RCL1: variants seen among roughly 807,000 people sequenced by gnomAD.
The protein encoded by RCL1 is RNA terminal phosphate cyclase like 1, also known as RNA 3'-terminal phosphate cyclase-like protein.
RCL1 carries 24 observed loss-of-function variants against 42.4 expected under a neutral mutation model. The observed-to-expected ratio is 0.57, with a 90% CI of 0.41 to 0.80. The LOEUF is 0.80. Among genes scored for constraint, RCL1 ranks in the 30% least tolerant of loss-of-function variants. RCL1 has a pLI of 0.00. For missense variants in RCL1, 578 were observed against 467.9 expected (o/e 1.24, Z -2.17); for synonymous variants, 228 against 177.3 (o/e 1.29, Z -2.27).
chr9:4,828,234 T>C (rs117843929), intron 3 of RCL1, among the ~76,000 whole-genome samples: 1,613 of 152,004 alleles, frequency 0.011, 15 homozygotes, highest in South Asian at 0.019. Context: ...TGCTTGTCTT[T>C]ACCATTACAG....
rs71326137 is a variant in RCL1, at chr9:4,806,587, TACACACACACACAC to T, written c.136+13394_136+13407del. 3.5e-3 allele frequency among the ~76,000 whole-genome samples: 472 copies of T among 135,768 alleles called. 1 individual carries two copies. The highest frequency in any genetic ancestry group is 0.012 in the African/African-American group (429 of 35,394). The allele number at this position is 135,768 out of a possible 152,430, so 89.1% of individuals were successfully genotyped here. On this transcript the variant is annotated intron_variant, in intron 1 of 8. Transcript: ENST00000381750. ...TTCCTGGAATAGATTCTACTTGATC[TACACACACACACAC>T]ACACACACACACACACACACACACA...
chr9:4,815,990 G>C (rs1816362387), intron 1 of RCL1, among the ~76,000 whole-genome samples: 1 of 152,044 alleles, frequency 6.6e-6, no homozygotes, highest in Non-Finnish European at 1.5e-5. Context: ...GTCATCTCGA[G>C]TTTCTTTTAT....
chr9:4,821,334 C>A (rs1007584190), intron 1 of RCL1, among the ~76,000 whole-genome samples: 1 of 152,098 alleles, frequency 6.6e-6, no homozygotes, highest in Non-Finnish European at 1.5e-5. Context: ...ACTTTCTGGT[C>A]ATATGATCAG....
At chr9:4,818,599 C>A (rs144066681) in intron 1 of RCL1, among the ~76,000 whole-genome samples, 77 of 152,102 alleles carry the variant, frequency 5.1e-4, no homozygotes, top group African/African-American at 1.7e-3. Context: ...AAATTGAAAT[C>A]CGGCCGGGCT....
intron 1 of RCL1, among the ~76,000 whole-genome samples, chr9:4,819,783 G>C (rs1816526878): frequency 1.3e-5 from 2 of 152,322 alleles, no homozygotes; most frequent in Non-Finnish European, 2.9e-5. Context: ...CTCCAGCCTG[G>C]TGACAGAGCG....
intron 1 of RCL1, among the ~76,000 whole-genome samples, chr9:4,820,482 T>C (rs1286497529): frequency 6.6e-6 from 1 of 152,252 alleles, no homozygotes; most frequent in Non-Finnish European, 1.5e-5. Flanking sequence ...GCCCATTCTC[T>C]TTCTACTTTT....
At chr9:4,814,192 C>T (rs947312955) in intron 1 of RCL1, among the ~76,000 whole-genome samples, 2 of 151,718 alleles carry the variant, frequency 1.3e-5, no homozygotes, top group South Asian at 2.1e-4. Context: ...AGTATGTTAG[C>T]TGTGAGTTTG....
At chr9:4,855,325 C>T (rs957212772) in intron 8 of RCL1, among the ~76,000 whole-genome samples, 2 of 149,376 alleles carry the variant, frequency 1.3e-5, no homozygotes, top group African/African-American at 2.5e-5. Flanking sequence ...TGGGTGGTTA[C>T]TCATTGAGGG....
At chr9:4,805,041 CT>C (rs1488032096) in intron 1 of RCL1, 1 of 152,336 alleles carries the variant, frequency 6.6e-6, no homozygotes, top group Admixed American at 6.5e-5. Context: ...CCATGTCAGA[CT>C]TGCTAGGTGG....
chr9:4,819,857 T>C (rs1485864328), intron 1 of RCL1, among the ~76,000 whole-genome samples: 1 of 152,154 alleles, frequency 6.6e-6, no homozygotes, highest in Non-Finnish European at 1.5e-5. Context: ...CACTACTCAA[T>C]ATATCCATGT....
chr9:4,838,155 T>C (rs1366923618), intron 5 of RCL1, among the ~76,000 whole-genome samples: 1 of 152,138 alleles, frequency 6.6e-6, no homozygotes, highest in East Asian at 1.9e-4. Context: ...AGCTTGGAGG[T>C]TGTATTTCCC....
chr9:4,798,534 AG>A (rs1367857211), intron 1 of RCL1, among the ~76,000 whole-genome samples: 1 of 152,254 alleles, frequency 6.6e-6, no homozygotes, highest in Non-Finnish European at 1.5e-5. Flanking sequence ...AGCTAAGTGG[AG>A]TTTTAATCAA....
intron 1 of RCL1, among the ~76,000 whole-genome samples, chr9:4,818,453 G>C (rs10974799): frequency 0.096 from 14,584 of 152,166 alleles, 917 homozygotes; most frequent in Middle Eastern, 0.21. Flanking sequence ...TTGCAAGTGA[G>C]TGGATGTCTT....
intron 8 of RCL1, among the ~76,000 whole-genome samples, chr9:4,857,784 A>C (rs1313642944): frequency 6.6e-6 from 1 of 151,988 alleles, no homozygotes; most frequent in Non-Finnish European, 1.5e-5. Context: ...TTGTTATTGT[A>C]TGTCTTTTTA....
chr9:4,855,072 A>AAAAAAAAAAAAAAC (rs56709677), intron 8 of RCL1, among the ~76,000 whole-genome samples: 1 of 140,628 alleles, frequency 7.1e-6, no homozygotes. Flanking sequence ...AAAAAAAAAA[A>AAAAAAAAAAAAAAC]ATAGGAAAAG....
At chr9:4,850,407 G>A (rs766578478) in intron 8 of RCL1, 12 of 510,992 alleles carry the variant, frequency 2.3e-5, no homozygotes, top group Middle Eastern at 3.6e-4. Context: ...TGAGGACTGC[G>A]GTGGGGCTAT....
At chr9:4,824,520 T>C (rs932791504) in intron 2 of RCL1, among the ~76,000 whole-genome samples, 3 of 152,172 alleles carry the variant, frequency 2.0e-5, no homozygotes, top group South Asian at 2.1e-4. Flanking sequence ...CTGCTCCCCA[T>C]TGATAAACAT....
rs73383262 is a variant in RCL1, at chr9:4,827,082, C to T, written c.384+49C>T. On this transcript the variant is annotated intron_variant, in intron 3 of 8. Coordinates refer to ENST00000381750, the MANE Select transcript of RCL1 (RefSeq NM_005772.5). ...GTGTGGTTTTTGTTTTGTCTCTTGT[C>T]ACAACCCAACTTGTGAGAAAAAAGT... 3,960 of 1,612,422 alleles carry T rather than the reference C, an allele frequency of 2.5e-3. 59 individuals carry two copies. In the African/African-American group the frequency reaches 0.034, roughly 14 times the overall value.
intron 7 of RCL1, among the ~76,000 whole-genome samples, chr9:4,846,406 A>T (rs1212254812): frequency 2.0e-5 from 3 of 152,242 alleles, no homozygotes; most frequent in African/African-American, 7.2e-5. Context: ...TTGTGCAGTC[A>T]CGATCTGGCC....
Sources: gnomAD v4.1 joint callset for allele counts (sites outside exome capture counted in the v4.1 genomes callset) on GRCh38, gnomAD v4.1.1 for gene constraint, MANE v1.5 for transcripts, NCBI Gene and HGNC (gene_info 2026-07-23, HGNC 2026-07-21) for gene names.